Variants in EXOC6B observed in about 807,000 individuals in gnomAD.
EXOC6B encodes the protein exocyst complex component 6B.
EXOC6B carries 54 observed loss-of-function variants against 113.5 expected under a neutral mutation model. The observed-to-expected ratio is 0.48, with a 90% CI of 0.38 to 0.60. The LOEUF (loss-of-function observed/expected upper bound fraction) is 0.60. Ranked by LOEUF, EXOC6B falls within the 20% of genes least tolerant of loss-of-function variation. The pLI is 0.00. For synonymous variants in EXOC6B, 357 were observed against 339.0 expected (o/e 1.05, Z -0.58); for missense variants, 797 against 977.5 (o/e 0.82, Z 2.46).
chr2:72,358,457 C>G (rs1304473910), intron 19 of EXOC6B, among the ~76,000 whole-genome samples: 2 of 152,098 alleles, frequency 1.3e-5, no homozygotes, highest in Non-Finnish European at 2.9e-5. Context: ...GCCCAGTACT[C>G]TTACCAATGA....
chr2:72,597,144 G>A (rs1049808458), intron 6 of EXOC6B, among the ~76,000 whole-genome samples: 19 of 150,954 alleles, frequency 1.3e-4, no homozygotes, highest in Non-Finnish European at 2.7e-4. Flanking sequence ...TATACTAAAT[G>A]CCACTAAATT....
At chr2:72,413,327 G>A (rs1198383196) in intron 18 of EXOC6B, among the ~76,000 whole-genome samples, 1 of 151,934 alleles carries the variant, frequency 6.6e-6, no homozygotes, top group Admixed American at 6.6e-5. Flanking sequence ...CAGGTTTCTA[G>A]GCTAATGCCC....
intron 6 of EXOC6B, among the ~76,000 whole-genome samples, chr2:72,589,594 C>T (rs1705803559): frequency 6.6e-6 from 1 of 151,662 alleles, no homozygotes; most frequent in African/African-American, 2.4e-5. Flanking sequence ...ACGGGATATG[C>T]AGGTCTATCT....
intron 6 of EXOC6B, among the ~76,000 whole-genome samples, chr2:72,657,114 G>C (rs542673964): frequency 2.6e-5 from 4 of 152,022 alleles, no homozygotes; most frequent in Non-Finnish European, 4.4e-5. Context: ...GCCTCCCAAA[G>C]TGCTGGGATT....
At chr2:72,271,185 G>GT (rs1553475935) in intron 20 of EXOC6B, among the ~76,000 whole-genome samples, 1 of 152,100 alleles carries the variant, frequency 6.6e-6, no homozygotes, top group African/African-American at 2.4e-5. Flanking sequence ...AGAGTAAGGG[G>GT]TTTTAAAACT....
intron 1 of EXOC6B, among the ~76,000 whole-genome samples, chr2:72,783,389 A>G (rs1684182832): frequency 1.5e-5 from 2 of 131,732 alleles, no homozygotes; most frequent in Non-Finnish European, 3.0e-5. Context: ...CAGTGGCGCA[A>G]TCTCAACTCA....
chr2:72,495,588 G>A (rs1392299917), intron 14 of EXOC6B, 49 bp from the exon 15 acceptor site: 2 of 975,172 alleles, frequency 2.1e-6, no homozygotes, highest in Non-Finnish European at 1.6e-6. Flanking sequence ...AACGAAGATT[G>A]AAGATATTTA....
At chr2:72,613,078 A>C (rs1048358499) in intron 6 of EXOC6B, among the ~76,000 whole-genome samples, 1 of 152,214 alleles carries the variant, frequency 6.6e-6, no homozygotes, top group South Asian at 2.1e-4. Context: ...ACAACTGAAG[A>C]TATTTTAATG....
intron 18 of EXOC6B, among the ~76,000 whole-genome samples, chr2:72,455,877 C>T (rs1697199619): frequency 6.6e-6 from 1 of 151,686 alleles, no homozygotes; most frequent in Admixed American, 6.6e-5. Context: ...TGTACAGTAC[C>T]TGGTATATGG....
chr2:72,607,377 TC>T (rs1211327419), intron 6 of EXOC6B, among the ~76,000 whole-genome samples: 2 of 152,132 alleles, frequency 1.3e-5, no homozygotes, highest in African/African-American at 2.4e-5. Flanking sequence ...CTTTTGGATG[TC>T]CCAGACTCTA....
intron 6 of EXOC6B, among the ~76,000 whole-genome samples, chr2:72,691,977 C>T (rs527913626): frequency 1.3e-5 from 2 of 152,088 alleles, no homozygotes; most frequent in Non-Finnish European, 2.9e-5. Flanking sequence ...TGCCACTGCG[C>T]CCAGCCCCTG....
intron 6 of EXOC6B, among the ~76,000 whole-genome samples, chr2:72,643,474 G>A (rs1207483986): frequency 6.7e-6 from 1 of 149,802 alleles, no homozygotes; most frequent in South Asian, 2.1e-4. Context: ...GGACATGGAT[G>A]AAATTGGAAA....
At chr2:72,534,586 A>G (rs192591426) in intron 8 of EXOC6B, among the ~76,000 whole-genome samples, 100 of 152,316 alleles carry the variant, frequency 6.6e-4, no homozygotes, top group African/African-American at 2.3e-3. Flanking sequence ...TACGCTTAAG[A>G]AGAAATTCTT....
At chr2:72,680,417 C>T (rs1044425846) in intron 6 of EXOC6B, among the ~76,000 whole-genome samples, 3 of 152,120 alleles carry the variant, frequency 2.0e-5, no homozygotes, top group Non-Finnish European at 2.9e-5. Flanking sequence ...TCATCTAAAG[C>T]ATTTACAACA....
At chr2:72,379,070 AG>A (rs990934463) in intron 19 of EXOC6B, among the ~76,000 whole-genome samples, 4 of 152,180 alleles carry the variant, frequency 2.6e-5, no homozygotes, top group African/African-American at 9.7e-5. Flanking sequence ...GAATAGGTGA[AG>A]GCTGTTCCAT....
chr2:72,284,023 T>C (rs190463420), intron 20 of EXOC6B, among the ~76,000 whole-genome samples: 3 of 152,252 alleles, frequency 2.0e-5, no homozygotes, highest in African/African-American at 7.2e-5. Flanking sequence ...CAAGTACAGA[T>C]GGGTTCACTG....
At chr2:72,540,011 T>C (rs1040311659) in intron 8 of EXOC6B, among the ~76,000 whole-genome samples, 1 of 139,924 alleles carries the variant, frequency 7.1e-6, no homozygotes, top group African/African-American at 2.7e-5. Flanking sequence ...CGTGTTCTCA[T>C]TGTTCAATTC....
At chr2:72,747,651 TAA>T (rs1230003146) in intron 1 of EXOC6B, among the ~76,000 whole-genome samples, 2 of 152,048 alleles carry the variant, frequency 1.3e-5, no homozygotes, top group Non-Finnish European at 2.9e-5. Flanking sequence ...TCTTCAAAGG[TAA>T]CAAGCAAATC....
chr2:72,785,166 G>T (rs1479850522), intron 1 of EXOC6B, among the ~76,000 whole-genome samples: 1 of 152,230 alleles, frequency 6.6e-6, no homozygotes, highest in African/African-American at 2.4e-5. Flanking sequence ...TGAAAGGTAG[G>T]TTCCCACAGT....
Sources: allele counts gnomAD v4.1 joint callset (sites outside exome capture counted in the v4.1 genomes callset), GRCh38; gene constraint gnomAD v4.1.1; transcripts MANE v1.5; gene names NCBI Gene and HGNC (gene_info 2026-07-23, HGNC 2026-07-21).